The following GPBP1 variants were observed in gnomAD, a reference collection of about 807,000 sequenced individuals.
The protein encoded by GPBP1 is GC-rich promoter binding protein 1.
In GPBP1, 13 loss-of-function variants were observed where a neutral mutation model predicts 56.5. That is an observed-to-expected ratio of 0.23 (90% CI 0.15 to 0.37). The LOEUF is 0.37. GPBP1 is among the 10% of genes least tolerant of loss of function. GPBP1 has a pLI of 1.00. For missense variants in GPBP1, 477 were observed against 572.3 expected (o/e 0.83, Z 1.70); for synonymous variants, 204 against 188.9 (o/e 1.08, Z -0.66).
chr5:57,204,490 G>A (rs890844264), intron 2 of GPBP1, among the ~76,000 whole-genome samples: 8 of 152,108 alleles, frequency 5.3e-5, no homozygotes, highest in Non-Finnish European at 7.4e-5. Context: ...GGATTCGGGC[G>A]ATACCCCGAC....
chr5:57,190,694 C>CCT (rs1754482718), intron 2 of GPBP1, among the ~76,000 whole-genome samples: 1 of 68,852 alleles, frequency 1.5e-5, no homozygotes, highest in East Asian at 3.8e-4. Context: ...TTGCTGTTAG[C>CCT]TTTTTTTTTT....
intron 10 of GPBP1, among the ~76,000 whole-genome samples, chr5:57,256,130 C>G (rs1026240426): frequency 6.6e-6 from 1 of 152,060 alleles, no homozygotes; most frequent in Admixed American, 6.6e-5. Context: ...GTGGCGTGTT[C>G]CTGTATTCTC....
chr5:57,224,433 G>A (rs1337660472), intron 3 of GPBP1, among the ~76,000 whole-genome samples: 4 of 151,884 alleles, frequency 2.6e-5, no homozygotes, highest in Non-Finnish European at 5.9e-5. Flanking sequence ...AGTAGAGACG[G>A]GGTTTCACCA....
At chr5:57,232,662 G>C (rs760712259) in intron 5 of GPBP1, among the ~76,000 whole-genome samples, 1 of 152,194 alleles carries the variant, frequency 6.6e-6, no homozygotes, top group Non-Finnish European at 1.5e-5. Flanking sequence ...GTGAAGTCCT[G>C]TTCCAGCCAA....
chr5:57,216,435 A>G (rs1160723109), intron 3 of GPBP1, among the ~76,000 whole-genome samples: 2 of 151,962 alleles, frequency 1.3e-5, no homozygotes, highest in African/African-American at 4.8e-5. Context: ...AAAACAAAAC[A>G]CCGTGGTCGG....
At chr5:57,253,456 T>A (rs901401467) in intron 10 of GPBP1, among the ~76,000 whole-genome samples, 4 of 152,238 alleles carry the variant, frequency 2.6e-5, no homozygotes, top group African/African-American at 7.2e-5. Flanking sequence ...AAAACTGGGT[T>A]ATATCTCCTC....
intron 6 of GPBP1, among the ~76,000 whole-genome samples, chr5:57,236,842 G>T (rs988180022): frequency 2.0e-5 from 3 of 151,988 alleles, no homozygotes; most frequent in Admixed American, 6.6e-5. Flanking sequence ...TTTTTCTATT[G>T]AAAATCAACT....
intron 2 of GPBP1, among the ~76,000 whole-genome samples, chr5:57,180,264 G>A (rs577229408): frequency 2.6e-5 from 4 of 152,134 alleles, no homozygotes; most frequent in African/African-American, 9.6e-5. Flanking sequence ...ACAGGTCCCC[G>A]CTGCCATGCC....
intron 2 of GPBP1, among the ~76,000 whole-genome samples, chr5:57,202,897 A>G (rs1755080699): frequency 6.6e-6 from 1 of 152,226 alleles, no homozygotes; most frequent in Non-Finnish European, 1.5e-5. Context: ...ATATATTTCT[A>G]AATTAAAACT....
At chr5:57,186,873 A>G (rs1411876912) in intron 2 of GPBP1, among the ~76,000 whole-genome samples, 4 of 144,922 alleles carry the variant, frequency 2.8e-5, no homozygotes, top group African/African-American at 1.0e-4. Flanking sequence ...GACCACCCCT[A>G]TTTTTTTTTT....
At chr5:57,260,738 A>G (rs1421541766) in intron 10 of GPBP1, among the ~76,000 whole-genome samples, 2 of 152,218 alleles carry the variant, frequency 1.3e-5, no homozygotes, top group Non-Finnish European at 2.9e-5. Context: ...GTGGCCATAT[A>G]AGAAACAAGC....
intron 2 of GPBP1, among the ~76,000 whole-genome samples, chr5:57,211,576 T>TTGTTGTTGTTGTTGTTG (rs67872011): frequency 2.0e-5 from 3 of 150,916 alleles, no homozygotes; most frequent in African/African-American, 4.9e-5. Context: ...CTCCGGGGAT[T>TTGTTGTTGTTGTTGTTG]TTGTTGTTGT....
intron 3 of GPBP1, among the ~76,000 whole-genome samples, chr5:57,223,269 T>G (rs1756032466): frequency 6.6e-6 from 1 of 152,140 alleles, no homozygotes; most frequent in African/African-American, 2.4e-5. Context: ...TTTTGTATTT[T>G]TAGTAGAGAC....
intron 3 of GPBP1, among the ~76,000 whole-genome samples, chr5:57,217,000 T>G (rs1373383396): frequency 6.6e-6 from 1 of 152,158 alleles, no homozygotes; most frequent in Non-Finnish European, 1.5e-5. Context: ...AAAAATAGAA[T>G]AGTTTTTTAC....
intron 3 of GPBP1, among the ~76,000 whole-genome samples, chr5:57,229,893 C>T (rs1199932238): frequency 2.0e-5 from 3 of 150,064 alleles, no homozygotes; most frequent in South Asian, 2.1e-4. Flanking sequence ...ATTACTGAGA[C>T]GACTTGTTAA....
Position 57,176,132 on chromosome 5 carries a change from G to T in GPBP1, c.-326G>T, listed in dbSNP as rs1463611317. On this transcript the variant is annotated 5_prime_UTR_variant, in exon 2 of 12. Coordinates refer to ENST00000506184, the MANE Select transcript of GPBP1 (RefSeq NM_022913.4). Reference sequence around the variant, plus strand: ...TGGATATTTCATCTGGAGTGGACAAGTACAACAGTGGCAAGTACATGGAAT... The same window carrying T: ...TGGATATTTCATCTGGAGTGGACAATTACAACAGTGGCAAGTACATGGAAT... The T allele has an allele frequency of 2.5e-6, 1 of 396,964 alleles. No homozygotes were observed. Among genetic ancestry groups the T allele is most frequent in the African/African-American group, 2.1e-5 (1 of 48,578 alleles). 24.6% of individuals were successfully genotyped at this position (396,964 alleles called of 1,614,324 possible). A position where few individuals can be genotyped will look rare whatever the true frequency, so the allele number is the denominator to read the frequency against.
chr5:57,221,450 C>T, intron 3 of GPBP1: 1 of 1,080,812 alleles, frequency 9.3e-7, no homozygotes. Context: ...AGATAACTAG[C>T]AAATTCCATT....
intron 10 of GPBP1, among the ~76,000 whole-genome samples, chr5:57,256,049 A>G (rs1026816033): frequency 2.6e-5 from 4 of 152,190 alleles, no homozygotes; most frequent in Non-Finnish European, 5.9e-5. Flanking sequence ...TTAGGCCAGG[A>G]GTTTGAGACC....
intron 8 of GPBP1, 77 bp from the exon 9 acceptor site, chr5:57,249,332 C>T (rs111751350): frequency 1.0e-5 from 11 of 1,048,608 alleles, no homozygotes; most frequent in Middle Eastern, 2.2e-4. Context: ...AAATAGGAAG[C>T]TGTGGTAGTA....
Sources: gnomAD v4.1 joint callset for allele counts (sites outside exome capture counted in the v4.1 genomes callset) on GRCh38, gnomAD v4.1.1 for gene constraint, MANE v1.5 for transcripts, NCBI Gene and HGNC (gene_info 2026-07-23, HGNC 2026-07-21) for gene names.